EPB41: variants seen among roughly 807,000 people sequenced by gnomAD.
EPB41 encodes erythrocyte membrane protein band 4.1.
Under a neutral mutation model 108.0 loss-of-function variants are expected in EPB41, and 65 were observed. The observed-to-expected ratio is 0.60, with a 90% CI of 0.49 to 0.74. The LOEUF (loss-of-function observed/expected upper bound fraction) is 0.74. EPB41 is among the 30% of genes least tolerant of loss of function. EPB41 has a pLI of 0.00. For synonymous variants in EPB41, 336 were observed against 358.9 expected, an observed-to-expected ratio of 0.94 and a Z score of 0.72; for missense variants, 875 against 1,037.0, an observed-to-expected ratio of 0.84 and a Z score of 2.15.
At position 28,887,328 on chromosome 1, in the gene EPB41, G is replaced by C. The variant is rs2089528624; in HGVS notation, c.-8+118G>C. Reference sequence around the variant, plus strand: ...CGGGAGAGGCGAGACCAGGGTCGAAGGGTCCAGGGCTGAGGGGTCCAGCGG... The same window carrying C: ...CGGGAGAGGCGAGACCAGGGTCGAACGGTCCAGGGCTGAGGGGTCCAGCGG... On this transcript the variant is annotated intron_variant, in intron 1 of 16. Coordinates refer to the EPB41 transcript ENST00000347529. The surrounding 1 kb of genome is among the most constrained non-coding windows in gnomAD (Gnocchi z 4.9). 2 of 1,198,696 alleles carry C rather than the reference G, an allele frequency of 1.7e-6. No individual in the cohort carries two copies. The highest frequency in any genetic ancestry group is 2.1e-6 in the Non-Finnish European group (2 of 945,866). 74.3% of individuals were successfully genotyped at this position (1,198,696 alleles called of 1,614,324 possible).
chr1:29,044,099 T>C (rs906224789), intron 11 of EPB41, among the ~76,000 whole-genome samples: 4 of 152,212 alleles, frequency 2.6e-5, no homozygotes, highest in African/African-American at 9.6e-5. Context: ...CATATTCAGA[T>C]AACAATATCA....
intron 16 of EPB41, chr1:29,072,370 TA>T (rs2151121627): frequency 6.6e-6 from 1 of 152,318 alleles, no homozygotes; most frequent in South Asian, 2.1e-4. Flanking sequence ...TTGGTTAGAT[TA>T]TTTTAAATCT....
At chr1:28,908,265 G>A (rs1020420479) in intron 1 of EPB41, among the ~76,000 whole-genome samples, 6 of 151,432 alleles carry the variant, frequency 4.0e-5, no homozygotes, top group African/African-American at 1.5e-4. Flanking sequence ...AGCTGGGTGT[G>A]ACGGCGGGGG....
rs150196434 is a variant in EPB41, at chr1:28,924,529, C to CAA, written c.-8+9770_-8+9771dup. ...TGGGTGACAGAGCGAGACTACATCT[C>CAA]AAAAAAAAAATAAAAAAGACCCCAA... On this transcript the variant is annotated intron_variant, in intron 1 of 20. Transcript: ENST00000343067. 5.5e-3 allele frequency among the ~76,000 whole-genome samples: 811 copies of CAA among 148,034 alleles called. 5 individuals carry two copies. The highest frequency in any genetic ancestry group is 0.016 in the African/African-American group (629 of 40,422).
At chr1:28,981,580 T>C (rs1200309730) in intron 1 of EPB41, among the ~76,000 whole-genome samples, 1 of 152,220 alleles carries the variant, frequency 6.6e-6, no homozygotes, top group Non-Finnish European at 1.5e-5. Context: ...AAAAGTTTTT[T>C]CCCCACTTGT....
At chr1:29,106,167 G>A (rs1263355959) in intron 17 of EPB41, among the ~76,000 whole-genome samples, 1 of 152,176 alleles carries the variant, frequency 6.6e-6, no homozygotes, top group Admixed American at 6.5e-5. Context: ...AAGGAAAACA[G>A]GCCCTGTATG....
At chr1:28,996,831 G>T (rs2096189046) in intron 3 of EPB41, among the ~76,000 whole-genome samples, 1 of 152,146 alleles carries the variant, frequency 6.6e-6, no homozygotes, top group Admixed American at 6.5e-5. Flanking sequence ...CATGATGGGT[G>T]TAGAAATAAG....
chr1:28,962,186 G>A (rs1469503832), intron 1 of EPB41, among the ~76,000 whole-genome samples: 1 of 151,844 alleles, frequency 6.6e-6, no homozygotes, highest in Non-Finnish European at 1.5e-5. Flanking sequence ...TCAGGCCCCT[G>A]AGTAGCTGGG....
chr1:29,106,185 G>T (rs1667090429), intron 17 of EPB41, among the ~76,000 whole-genome samples: 1 of 152,070 alleles, frequency 6.6e-6, no homozygotes, highest in Admixed American at 6.6e-5. Context: ...ATGGGAACAG[G>T]GTAAGTAGGA....
At chr1:29,098,237 C>T (rs1265155902) in intron 17 of EPB41, among the ~76,000 whole-genome samples, 2 of 152,138 alleles carry the variant, frequency 1.3e-5, no homozygotes, top group African/African-American at 2.4e-5. Context: ...CTCTGTCGCC[C>T]AGGCTGGAGT....
chr1:28,977,996 C>T (rs1234684262), intron 1 of EPB41, among the ~76,000 whole-genome samples: 1 of 144,592 alleles, frequency 6.9e-6, no homozygotes, highest in African/African-American at 2.7e-5. Flanking sequence ...TCTCCTTAAT[C>T]ATTCATTTTT....
intron 1 of EPB41, among the ~76,000 whole-genome samples, chr1:28,889,000 A>G (rs2089799723): frequency 6.6e-6 from 1 of 152,178 alleles, no homozygotes; most frequent in African/African-American, 2.4e-5. Flanking sequence ...GGGAGCCAGA[A>G]GCTGAAGGGA....
At chr1:28,929,460 G>T (rs1351092595) in intron 1 of EPB41, among the ~76,000 whole-genome samples, 1 of 151,762 alleles carries the variant, frequency 6.6e-6, no homozygotes, top group African/African-American at 2.4e-5. Flanking sequence ...TCGATCTCCT[G>T]ACCTTGTGAT....
chr1:28,948,290 G>T (rs1319038438), intron 1 of EPB41, among the ~76,000 whole-genome samples: 1 of 151,942 alleles, frequency 6.6e-6, no homozygotes, highest in African/African-American at 2.4e-5. Flanking sequence ...GAGGCGGGCG[G>T]ATCACGAGGT....
At chr1:28,959,252 C>G (rs2149101907) in intron 1 of EPB41, among the ~76,000 whole-genome samples, 1 of 131,648 alleles carries the variant, frequency 7.6e-6, no homozygotes. Context: ...GAGTCTCGCT[C>G]TGTTGCCAGG....
intron 1 of EPB41, among the ~76,000 whole-genome samples, chr1:28,915,768 C>T (rs1269038475): frequency 1.7e-5 from 1 of 57,742 alleles, no homozygotes; most frequent in African/African-American, 5.7e-5. Flanking sequence ...TGGGTGATTT[C>T]ACAGCTGCTA....
At chr1:29,050,813 C>G (rs985851538) in intron 11 of EPB41, among the ~76,000 whole-genome samples, 2 of 151,900 alleles carry the variant, frequency 1.3e-5, no homozygotes, top group African/African-American at 4.8e-5. Flanking sequence ...GTAACTGGGA[C>G]TACAGACGCC....
chr1:29,026,899 C>G (rs1013666258), intron 7 of EPB41, among the ~76,000 whole-genome samples: 1 of 151,928 alleles, frequency 6.6e-6, no homozygotes, highest in African/African-American at 2.4e-5. Context: ...TGAGATCAGC[C>G]TGGCCAATAT....
rs142043795 is a variant in EPB41, at chr1:28,998,744, A to G, written c.786+1425A>G. On this transcript the variant is annotated intron_variant, in intron 4 of 20. Transcript: ENST00000343067. ...CTTAGGGCTCAAACTAGCTTGTACT[A>G]GTAAATATAGCTAATATTTGAGTAC... Among the ~76,000 whole-genome samples, 570 of 152,304 alleles carry G rather than the reference A, an allele frequency of 3.7e-3. 6 individuals carry two copies. The highest frequency in any genetic ancestry group is 0.013 in the African/African-American group (530 of 41,566).
Sources: gnomAD v4.1 joint callset for allele counts (sites outside exome capture counted in the v4.1 genomes callset) on GRCh38, gnomAD v4.1.1 for gene constraint, Gnocchi (gnomAD v3.1) non-coding constraint, MANE v1.5 for transcripts, NCBI Gene and HGNC (gene_info 2026-07-23, HGNC 2026-07-21) for gene names.